Variants in PCSK6 observed in about 807,000 individuals in gnomAD.
PCSK6 encodes the protein proprotein convertase subtilisin/kexin type 6.
A neutral mutation model predicts 123.3 loss-of-function variants in PCSK6; 85 were observed. The ratio of observed to expected loss-of-function variants is 0.69; its 90% CI spans 0.58 to 0.83. The LOEUF (loss-of-function observed/expected upper bound fraction) is 0.83, where lower values mean the gene tolerates loss of function less well. Among genes scored for constraint, PCSK6 ranks in the 40% least tolerant of loss-of-function variants. The pLI is 0.00. For missense variants in PCSK6, 1,191 were observed against 1,282.3 expected, an observed-to-expected ratio of 0.93 and a Z score of 1.09; for synonymous variants, 508 against 516.0, an observed-to-expected ratio of 0.98 and a Z score of 0.21.
chr15:101,324,703 C>G (rs2040207412), intron 17 of PCSK6, 147 bp downstream of exon 17: 3 of 658,448 alleles, frequency 4.6e-6, no homozygotes, highest in Non-Finnish European at 7.7e-6. Flanking sequence ...TTCATCATCT[C>G]TGCCTCCTTC....
chr15:101,328,582 GC>G (rs2040310362), intron 15 of PCSK6, among the ~76,000 whole-genome samples: 1 of 152,156 alleles, frequency 6.6e-6, no homozygotes, highest in African/African-American at 2.4e-5. Flanking sequence ...AGTGCTCCCA[GC>G]TGCTGGTCCG....
At position 101,381,386 on chromosome 15, in the gene PCSK6, A is replaced by G. The variant is rs113371157; in HGVS notation, c.1532+706T>C. On this transcript the variant is annotated intron_variant, in intron 11 of 21. Coordinates refer to ENST00000611716, the MANE Select transcript of PCSK6 (RefSeq NM_002570.5). The stretch of plus-strand genomic sequence containing the variant: ...TCTCAATCAATCAATCAATCAATCA[A>G]TGAACAAATATAACAGATTTAGAAA... 2.5e-3 allele frequency among the ~76,000 whole-genome samples: 377 copies of G among 152,220 alleles called. 3 individuals carry two copies. Among genetic ancestry groups the G allele is most frequent in the Middle Eastern group, 6.8e-3 (2 of 294 alleles).
rs1270496271 is a variant in PCSK6 at position 101,489,586 on chromosome 15, C to T, written c.85G>A (p.Gly29Ser). The T allele has an allele frequency of 2.0e-6, 2 of 975,728 alleles. No individual in the cohort carries two copies. The highest frequency in any genetic ancestry group is 2.4e-6 in the Non-Finnish European group (2 of 825,392). 60.4% of individuals were successfully genotyped at this position (975,728 alleles called of 1,614,324 possible). ...AATDTAAGAG[G>S]AGGAGGAGGP... is the part of the protein sequence containing the mutation. ...CCGGCGCCCCCCGCGCCCCCCGCGCCCCCCGCGCCCGCGGCGGTGTCGGTG... is the reference window on the plus strand; with the variant it reads ...CCGGCGCCCCCCGCGCCCCCCGCGCTCCCCGCGCCCGCGGCGGTGTCGGTG... The change falls in exon 1 of 22, where the codon GGC becomes AGC. Residue 29 changes from glycine to serine, a missense_variant. This residue lies in a region of PCSK6 where 204 missense variants were observed against 166.4 expected (regional missense o/e 1.23). Transcript: ENST00000611716.
At chr15:101,310,135 A>T (rs553904804) in intron 20 of PCSK6, among the ~76,000 whole-genome samples, 1 of 151,802 alleles carries the variant, frequency 6.6e-6, no homozygotes, top group African/African-American at 2.4e-5. Flanking sequence ...ACCCCGCAGA[A>T]CCAATCGGAC....
chr15:101,438,693 C>T (rs977630816), intron 2 of PCSK6, among the ~76,000 whole-genome samples: 1 of 152,224 alleles, frequency 6.6e-6, no homozygotes, highest in African/African-American at 2.4e-5. Context: ...GAACCACCTG[C>T]AGCTCCCCTG....
chr15:101,335,310 C>A (rs1215245567), intron 13 of PCSK6, among the ~76,000 whole-genome samples: 3 of 152,186 alleles, frequency 2.0e-5, no homozygotes, highest in South Asian at 4.1e-4. Context: ...CATATATAAA[C>A]ATTAAAACTT....
chr15:101,479,577 G>T (rs529682502), intron 1 of PCSK6, among the ~76,000 whole-genome samples: 3 of 152,324 alleles, frequency 2.0e-5, no homozygotes, highest in East Asian at 3.9e-4. Context: ...CAGGGCTGTG[G>T]TCGGTGCATG....
In PCSK6 at chr15:101,431,975, T is replaced by A. The variant is rs2056460581; in HGVS notation, c.513+15A>T. ...GCAAGTGTCCTGGGGCAGACAGAGG[T>A]CCTGTCCTACTCACCAGGTACCACA... On this transcript the variant is annotated intron_variant, in intron 3 of 21. Coordinates refer to ENST00000611716, the MANE Select transcript of PCSK6 (RefSeq NM_002570.5). The A allele has an allele frequency of 1.3e-6, 2 of 1,583,296 alleles. No individual in the cohort carries two copies. Among genetic ancestry groups the A allele is most frequent in the East Asian group, 4.5e-5 (2 of 44,696 alleles).
At position 101,441,913 on chromosome 15, in the gene PCSK6, G is replaced by C. The variant is rs1458794699; in HGVS notation, c.402+1643C>G. Among the ~76,000 whole-genome samples the C allele has an allele frequency of 2.0e-5, 3 of 152,162 alleles. No homozygotes were observed. The East Asian group carries it at 5.8e-4, about 29-fold the overall frequency. On this transcript the variant is annotated intron_variant, in intron 2 of 21. Transcript: ENST00000611716. ...CTGCGTCGACCTCTTTCCTAGCTTA[G>C]AATTTCCTCCAAGATGACAGATGAC...
At chr15:101,463,351 G>C (rs1171528828) in intron 1 of PCSK6, among the ~76,000 whole-genome samples, 1 of 152,084 alleles carries the variant, frequency 6.6e-6, no homozygotes, top group African/African-American at 2.4e-5. Context: ...CTCTACCAAG[G>C]AGACTTGTCA....
At chr15:101,368,058 C>T (rs1210649291) in intron 12 of PCSK6, among the ~76,000 whole-genome samples, 2 of 152,218 alleles carry the variant, frequency 1.3e-5, no homozygotes, top group Non-Finnish European at 2.9e-5. Context: ...TCAGGTGATC[C>T]ACCCACCTTG....
intron 1 of PCSK6, among the ~76,000 whole-genome samples, chr15:101,445,853 G>C (rs904523493): frequency 2.0e-5 from 3 of 152,190 alleles, no homozygotes; most frequent in Non-Finnish European, 4.4e-5. Context: ...CTCATGACAG[G>C]GGGGCCTGGA....
intron 9 of PCSK6, among the ~76,000 whole-genome samples, chr15:101,387,709 C>T (rs2042107480): frequency 6.6e-6 from 1 of 152,276 alleles, no homozygotes; most frequent in Non-Finnish European, 1.5e-5. Context: ...TGGGGGCCCT[C>T]CCCAGACTCT....
At chr15:101,390,280 C>T (rs2042189192) in intron 8 of PCSK6, among the ~76,000 whole-genome samples, 1 of 152,282 alleles carries the variant, frequency 6.6e-6, no homozygotes, top group Non-Finnish European at 1.5e-5. Flanking sequence ...CGTGTATCTC[C>T]CGTTGGACTC....
intron 18 of PCSK6, among the ~76,000 whole-genome samples, chr15:101,320,570 G>C (rs903576243): frequency 2.0e-5 from 3 of 152,046 alleles, no homozygotes; most frequent in African/African-American, 7.2e-5. Flanking sequence ...TCTGTATGTT[G>C]GCAAGCTCCT....
rs188127475 is a variant in PCSK6 at position 101,420,439 on chromosome 15, C to A, written c.823+7453G>T. On this transcript the variant is annotated intron_variant, in intron 6 of 21. Transcript: ENST00000611716. ...ATAATGACGCAATCATGGCTCACTG[C>A]GGCCTCGACCTCCTAGGCTTATGTG... is the stretch of plus-strand genomic sequence containing the variant. Among the ~76,000 whole-genome samples the A allele has an allele frequency of 2.2e-3, 340 of 152,196 alleles. 1 individual carries two copies. The highest frequency in any genetic ancestry group is 7.9e-3 in the African/African-American group (327 of 41,544).
Position 101,307,509 on chromosome 15 carries a change from T to C in PCSK6, c.2700-184A>G, listed in dbSNP as rs2039753610. On this transcript the variant is annotated intron_variant, in intron 20 of 21. Transcript: ENST00000611716. Reference sequence around the variant, plus strand: ...CTGAGTGTCTGCATGTCTTTTCTCCTGTCTGACCTCACTATTGCCCTGGGA... The same window carrying C: ...CTGAGTGTCTGCATGTCTTTTCTCCCGTCTGACCTCACTATTGCCCTGGGA... 2.6e-5 allele frequency: 15 copies of C among 568,632 alleles called. No homozygotes were observed. In the South Asian group the frequency reaches 2.9e-4, roughly 11 times the overall value. 35.2% of individuals were successfully genotyped at this position (568,632 alleles called of 1,614,324 possible). A position where few individuals can be genotyped will look rare whatever the true frequency, so the allele number is the denominator to read the frequency against.
At chr15:101,313,765 G>A in intron 19 of PCSK6, 1 of 420,256 alleles carries the variant, frequency 2.4e-6, no homozygotes. Context: ...CACTGGCCGT[G>A]CCACGATGAT....
intron 2 of PCSK6, among the ~76,000 whole-genome samples, chr15:101,439,138 C>T (rs2056686300): frequency 6.6e-6 from 1 of 152,108 alleles, no homozygotes; most frequent in South Asian, 2.1e-4. Flanking sequence ...GCAGGAGACA[C>T]AGGACATGGC....
Sources: gnomAD v4.1 joint callset for allele counts (sites outside exome capture counted in the v4.1 genomes callset) on GRCh38, gnomAD v4.1.1 for gene constraint, gnomAD v4.1.1 regional missense constraint, MANE v1.5 for transcripts, NCBI Gene and HGNC (gene_info 2026-07-23, HGNC 2026-07-21) for gene names.